TNNI3K: variants seen among roughly 807,000 people sequenced by gnomAD.
The protein encoded by TNNI3K is TNNI3 interacting kinase.
Under a neutral mutation model 114.5 loss-of-function variants are expected in TNNI3K, and 140 were observed. The observed-to-expected ratio is 1.22, with a 90% confidence interval of 1.07 to 1.41. The LOEUF (loss-of-function observed/expected upper bound fraction) is 1.41, where lower values mean the gene tolerates loss of function less well. Ranked by LOEUF, TNNI3K falls within the 40% of genes most tolerant of loss-of-function variation. The pLI, the probability that TNNI3K is intolerant of heterozygous loss-of-function variation, is 0.00. For synonymous variants in TNNI3K, 347 were observed against 347.5 expected (o/e 1.00, Z 0.02); for missense variants, 1,125 against 1,007.6 (o/e 1.12, Z -1.58).
At chr1:74,298,154 A>T (rs1282517569) in intron 5 of TNNI3K, among the ~76,000 whole-genome samples, 5 of 152,194 alleles carry the variant, frequency 3.3e-5, no homozygotes, top group East Asian at 3.8e-4. Flanking sequence ...CTGAATACTA[A>T]CTAAAGATAT....
chr1:74,361,503 C>T (rs191814790), intron 11 of TNNI3K, among the ~76,000 whole-genome samples: 353 of 152,078 alleles, frequency 2.3e-3, no homozygotes, highest in African/African-American at 7.9e-3. Flanking sequence ...ATCATTCATT[C>T]GTTCAACAAA....
chr1:74,394,793 C>G (rs1255257587), intron 17 of TNNI3K, among the ~76,000 whole-genome samples: 5 of 152,150 alleles, frequency 3.3e-5, no homozygotes, highest in African/African-American at 1.2e-4. Context: ...GCCTGTAATC[C>G]CAGCACTTTG....
chr1:74,492,167 A>G lies in TNNI3K; in HGVS notation c.2252A>G (p.Asn751Ser), dbSNP rs780090120. Residue 751 changes from asparagine to serine, a missense_variant, in exon 23 of 25, where the codon AAC (asparagine) becomes AGC (serine). Asn to Ser is a conservative substitution (Grantham distance 46). Transcript: ENST00000326637. Reference sequence around the variant, plus strand: ...TCTTCTTCTTCTGATTGCCTGGTGAACCGGGGAGGACCTGGCCGGAGTCAT... The same window carrying G: ...TCTTCTTCTTCTGATTGCCTGGTGAGCCGGGGAGGACCTGGCCGGAGTCAT... ...SPSSSSDCLVNRGGPGRSHVA... is the reference protein window; with the variant it reads ...SPSSSSDCLVSRGGPGRSHVA... The G allele has an allele frequency of 6.2e-7, 1 of 1,612,978 alleles. No homozygotes were observed. Among genetic ancestry groups the G allele is most frequent in the South Asian group, 1.1e-5 (1 of 90,936 alleles).
At chr1:74,478,682 A>C (rs554109941) in intron 21 of TNNI3K, among the ~76,000 whole-genome samples, 1 of 152,312 alleles carries the variant, frequency 6.6e-6, no homozygotes, top group East Asian at 1.9e-4. Flanking sequence ...CAGTGAGTAT[A>C]CCTGTTTCAC....
At chr1:74,526,055 CA>C (rs945009649) in intron 23 of TNNI3K, among the ~76,000 whole-genome samples, 3 of 151,546 alleles carry the variant, frequency 2.0e-5, no homozygotes, top group Admixed American at 2.0e-4. Flanking sequence ...TAAAACAAAA[CA>C]AAAAAAACAG....
chr1:74,330,723 C>T (rs1316384313), intron 5 of TNNI3K, among the ~76,000 whole-genome samples: 3 of 151,784 alleles, frequency 2.0e-5, no homozygotes, highest in Admixed American at 2.0e-4. Context: ...TATTTTTTTT[C>T]TCCCCTACAA....
At chr1:74,237,422 T>C (rs1002154267) in intron 2 of TNNI3K, among the ~76,000 whole-genome samples, 1 of 151,996 alleles carries the variant, frequency 6.6e-6, no homozygotes, top group Non-Finnish European at 1.5e-5. Context: ...CTAGCTCTTA[T>C]TGACTTAAAT....
At chr1:74,362,685 C>T (rs558901936) in intron 11 of TNNI3K, among the ~76,000 whole-genome samples, 1 of 152,160 alleles carries the variant, frequency 6.6e-6, no homozygotes, top group South Asian at 2.1e-4. Flanking sequence ...CTTGGATTGA[C>T]TTGTCATCTT....
intron 23 of TNNI3K, among the ~76,000 whole-genome samples, chr1:74,494,466 T>C (rs1352666140): frequency 2.0e-5 from 3 of 152,200 alleles, no homozygotes; most frequent in Admixed American, 6.5e-5. Context: ...CCATTTTTTA[T>C]TGGATTTTAG....
rs1414378619 is a variant in TNNI3K at position 74,464,531 on chromosome 1, A to G, written c.2121+981A>G. 4 of 1,430,024 alleles carry G rather than the reference A, an allele frequency of 2.8e-6. No homozygotes were observed. The South Asian group carries it at 4.8e-5, about 17-fold the overall frequency. 88.6% of individuals were successfully genotyped at this position (1,430,024 alleles called of 1,614,324 possible). ...TTATAGCTCTTCAACAAGAGAATAA[A>G]GTGAGGCTATTATTTCAGGAAATAT... is the stretch of plus-strand genomic sequence containing the variant. On this transcript the variant is annotated intron_variant, in intron 21 of 24. Coordinates refer to ENST00000326637, the MANE Select transcript of TNNI3K (RefSeq NM_015978.3).
chr1:74,365,555 T>C lies in TNNI3K; in HGVS notation c.1178-1701T>C, dbSNP rs529143372. 1.1e-3 allele frequency among the ~76,000 whole-genome samples: 173 copies of C among 152,194 alleles called. 1 individual carries two copies. Among genetic ancestry groups the C allele is most frequent in the South Asian group, 0.011 (52 of 4,826 alleles). ...CACATGAAGTACACTTGCCTACCTCTCCAACCAAATCTGATACCACTCTCA... is the reference window on the plus strand; with the variant it reads ...CACATGAAGTACACTTGCCTACCTCCCCAACCAAATCTGATACCACTCTCA... On this transcript the variant is annotated intron_variant, in intron 11 of 24. Coordinates refer to ENST00000326637, the MANE Select transcript of TNNI3K (RefSeq NM_015978.3).
intron 11 of TNNI3K, among the ~76,000 whole-genome samples, chr1:74,362,114 G>A (rs183234181): frequency 6.6e-6 from 1 of 152,250 alleles, no homozygotes; most frequent in Admixed American, 6.5e-5. Context: ...AATGAACAGT[G>A]TATGGGACCA....
At chr1:74,367,722 T>TA (rs1228898890) in intron 12 of TNNI3K, among the ~76,000 whole-genome samples, 186 bp from the exon 13 acceptor site, 1 of 151,976 alleles carries the variant, frequency 6.6e-6, no homozygotes, top group Non-Finnish European at 1.5e-5. Flanking sequence ...TTGGATTTTC[T>TA]AAAAAATCTT....
At chr1:74,326,574 A>T (rs1478190679) in intron 5 of TNNI3K, among the ~76,000 whole-genome samples, 1 of 152,178 alleles carries the variant, frequency 6.6e-6, no homozygotes, top group Non-Finnish European at 1.5e-5. Context: ...AACTTCTTAC[A>T]CTTTATAGAG....
chr1:74,400,455 T>C (rs1664299077), intron 17 of TNNI3K, among the ~76,000 whole-genome samples: 1 of 152,198 alleles, frequency 6.6e-6, no homozygotes, highest in African/African-American at 2.4e-5. Flanking sequence ...GAGCAACTGT[T>C]ATGCATGATC....
intron 5 of TNNI3K, among the ~76,000 whole-genome samples, chr1:74,291,320 G>A (rs1201518972): frequency 2.0e-5 from 3 of 151,378 alleles, no homozygotes. Flanking sequence ...GCATATTTTT[G>A]TGACTTTATT....
chr1:74,354,738 T>C (rs1041048488), intron 11 of TNNI3K, among the ~76,000 whole-genome samples: 20 of 152,204 alleles, frequency 1.3e-4, no homozygotes, highest in African/African-American at 4.6e-4. Flanking sequence ...ATTTTCTTCA[T>C]CTGAAAAATA....
intron 17 of TNNI3K, 54 bp from the exon 18 acceptor site, chr1:74,436,026 A>T: frequency 6.4e-7 from 1 of 1,573,826 alleles, no homozygotes; most frequent in Non-Finnish European, 8.6e-7. Flanking sequence ...CAATTAGATT[A>T]GGACATAGCA....
At chr1:74,400,276 C>T (rs1664291527) in intron 17 of TNNI3K, among the ~76,000 whole-genome samples, 1 of 152,194 alleles carries the variant, frequency 6.6e-6, no homozygotes, top group African/African-American at 2.4e-5. Flanking sequence ...CCTAGGATTA[C>T]TATAACTACC....
Sources: gnomAD v4.1 joint callset for allele counts (sites outside exome capture counted in the v4.1 genomes callset) on GRCh38, gnomAD v4.1.1 for gene constraint, MANE v1.5 for transcripts, NCBI Gene and HGNC (gene_info 2026-07-23, HGNC 2026-07-21) for gene names.